LAMA1: variants seen among roughly 807,000 people sequenced by gnomAD.
LAMA1 encodes the protein laminin subunit alpha-1.
A neutral mutation model predicts 348.7 loss-of-function variants in LAMA1; 219 were observed. The ratio of observed to expected loss-of-function variants is 0.63; its 90% CI spans 0.56 to 0.70. LAMA1 has a LOEUF of 0.70. LAMA1 is among the 30% of genes least tolerant of loss of function. The pLI is 0.00. For missense variants in LAMA1, 3,744 were observed against 3,888.0 expected (o/e 0.96, Z 0.99); for synonymous variants, 1,487 against 1,491.0 (o/e 1.00, Z 0.06).
At chr18:7,055,839 T>C (rs1427162481) in intron 3 of LAMA1, among the ~76,000 whole-genome samples, 1 of 151,826 alleles carries the variant, frequency 6.6e-6, no homozygotes, top group Non-Finnish European at 1.5e-5. Context: ...CCCAGCATTT[T>C]GGGAGGCCGA....
intron 42 of LAMA1, among the ~76,000 whole-genome samples, chr18:6,980,023 CA>C (rs148238264): frequency 0.097 from 14,770 of 152,110 alleles, 1,191 homozygotes; most frequent in African/African-American, 0.23. Context: ...TAGACCCCCC[CA>C]AAAAATTTCA....
chr18:6,983,049 C>T (rs777802021), intron 40 of LAMA1, 50 bp downstream of exon 40: 3 of 1,613,666 alleles, frequency 1.9e-6, no homozygotes, highest in Non-Finnish European at 2.5e-6. Context: ...AAACCCGGTA[C>T]AGAAAAATCT....
intron 8 of LAMA1, 70 bp downstream of exon 8, chr18:7,043,157 G>A: frequency 6.7e-7 from 1 of 1,490,954 alleles, no homozygotes; most frequent in Non-Finnish European, 9.4e-7. Context: ...CAGAGGTTAA[G>A]ACTTGACAAA....
chr18:7,030,900 A>G (rs1369196295), intron 16 of LAMA1, among the ~76,000 whole-genome samples: 3 of 78,530 alleles, frequency 3.8e-5, no homozygotes, highest in African/African-American at 1.3e-4. Context: ...AAAGGAGGTG[A>G]AAAAAAAAGC....
chr18:7,011,406 A>T lies in LAMA1; in HGVS notation c.3581T>A (p.Val1194Asp), dbSNP rs1451199335. The T allele has an allele frequency of 1.9e-6, 3 of 1,609,700 alleles. No individual in the cohort carries two copies. The highest frequency in any genetic ancestry group is 2.5e-6 in the Non-Finnish European group (3 of 1,178,382). The change falls in exon 25 of 63, where the codon GTT (valine) becomes GAT (aspartate). Residue 1194 changes from valine to aspartate, a missense_variant. By Grantham distance (152) the Val-to-Asp change is radical (BLOSUM62 -3). This residue lies in a region of LAMA1 where 1,529 missense variants were observed against 1,689.4 expected (regional missense o/e 0.91). Coordinates refer to ENST00000389658, the MANE Select transcript of LAMA1 (RefSeq NM_005559.4). ...QSNLRGTTEGVYYQAPDFLLD... is the reference protein window; with the variant it reads ...QSNLRGTTEGDYYQAPDFLLD... ...CAGGAAGTCGGGGGCCTGGTAGTAA[A>T]CCCCCTCGGTCGTGCCCCTCAAGTT...
At chr18:7,057,456 C>A (rs796084999) in intron 3 of LAMA1, among the ~76,000 whole-genome samples, 161 of 132,244 alleles carry the variant, frequency 1.2e-3, no homozygotes, top group African/African-American at 4.3e-3. Context: ...TTCTTTCTTT[C>A]TTTTCTTTTC....
At chr18:6,947,018 T>C in intron 61 of LAMA1, 145 bp downstream of exon 61, 1 of 1,066,814 alleles carries the variant, frequency 9.4e-7, no homozygotes, top group Non-Finnish European at 1.4e-6. Context: ...GGTTTTCTTG[T>C]AGCAATATCT....
intron 1 of LAMA1, among the ~76,000 whole-genome samples, chr18:7,105,176 C>T (rs2058306905): frequency 6.6e-6 from 1 of 152,160 alleles, no homozygotes; most frequent in African/African-American, 2.4e-5. Context: ...CAGTGGCTCA[C>T]ACCTGTAAGC....
At chr18:7,106,198 C>A (rs1367321526) in intron 1 of LAMA1, among the ~76,000 whole-genome samples, 3 of 152,136 alleles carry the variant, frequency 2.0e-5, no homozygotes, top group African/African-American at 7.2e-5. Context: ...CTGCGGTGGG[C>A]AGGACGGGAT....
chr18:7,006,883 G>T (rs1306208907), intron 29 of LAMA1, among the ~76,000 whole-genome samples: 2 of 152,064 alleles, frequency 1.3e-5, no homozygotes, highest in East Asian at 3.9e-4. Context: ...GTCATTATTT[G>T]GTGCACGACT....
chr18:7,022,115 T>C (rs1467504132), intron 19 of LAMA1, among the ~76,000 whole-genome samples: 1 of 151,890 alleles, frequency 6.6e-6, no homozygotes, highest in African/African-American at 2.4e-5. Context: ...GATCCACAGG[T>C]ATGTTTTCCC....
intron 23 of LAMA1, among the ~76,000 whole-genome samples, chr18:7,012,672 AT>A (rs1471910126): frequency 8.7e-5 from 13 of 149,602 alleles, no homozygotes; most frequent in African/African-American, 3.2e-4. Flanking sequence ...TGCCCAGCTA[AT>A]TTTGTATTTT....
At chr18:7,011,586 T>A in intron 24 of LAMA1, 107 bp from the exon 25 acceptor site, 1 of 1,090,782 alleles carries the variant, frequency 9.2e-7, no homozygotes, top group Non-Finnish European at 1.4e-6. Flanking sequence ...GCTTCATTAT[T>A]AAAACAGAAA....
At chr18:7,053,710 T>A (rs899007880) in intron 3 of LAMA1, among the ~76,000 whole-genome samples, 3 of 152,072 alleles carry the variant, frequency 2.0e-5, no homozygotes, top group African/African-American at 7.2e-5. Flanking sequence ...CTGCAAGTAC[T>A]TCCAGTGACA....
At chr18:6,984,965 CATAAT>C (rs1019398041) in intron 39 of LAMA1, among the ~76,000 whole-genome samples, 1 of 152,164 alleles carries the variant, frequency 6.6e-6, no homozygotes, top group African/African-American at 2.4e-5. Context: ...GATACTGTAG[CATAAT>C]ATGTGTTTTA....
At chr18:7,014,839 A>ATTTTC (rs941710523) in intron 22 of LAMA1, among the ~76,000 whole-genome samples, 2 of 151,162 alleles carry the variant, frequency 1.3e-5, no homozygotes, top group African/African-American at 4.9e-5. Context: ...TATTTTTTGG[A>ATTTTC]TTTTCTTTTC....
chr18:7,034,343 T>C, intron 14 of LAMA1, 136 bp downstream of exon 14: 1 of 718,492 alleles, frequency 1.4e-6, no homozygotes, highest in Middle Eastern at 3.6e-4. Flanking sequence ...TAATAATTCT[T>C]AAGACAGCCA....
In LAMA1 at chr18:6,999,515, C is replaced by A. The variant is rs148691508; in HGVS notation, c.4593G>T (p.Arg1531Ser). Residue 1531 changes from arginine to serine, a missense_variant, in exon 32 of 63, where the codon AGG (arginine) becomes AGT (serine). Physicochemically the swap from Arg to Ser is moderately radical, Grantham distance 110. Coordinates refer to ENST00000389658, the MANE Select transcript of LAMA1 (RefSeq NM_005559.4). ...CGCACCGGAGCCCCGAGGCCCCCAGCCTGCAAACGCACTGCCCAGATGTGC... is the reference window on the plus strand; with the variant it reads ...CGCACCGGAGCCCCGAGGCCCCCAGACTGCAAACGCACTGCCCAGATGTGC... ...CDRTSGQCVC[R>S]LGASGLRCDE... 1.2e-6 allele frequency: 2 copies of A among 1,614,050 alleles called. No homozygotes were observed. Among genetic ancestry groups the A allele is most frequent in the Non-Finnish European group, 1.7e-6 (2 of 1,180,042 alleles).
At chr18:7,112,866 C>T (rs1171782219) in intron 1 of LAMA1, among the ~76,000 whole-genome samples, 1 of 152,118 alleles carries the variant, frequency 6.6e-6, no homozygotes, top group Non-Finnish European at 1.5e-5. Context: ...AACTCCCGAC[C>T]TCATGTGACC....
Sources: allele counts gnomAD v4.1 joint callset (sites outside exome capture counted in the v4.1 genomes callset), GRCh38; gene constraint gnomAD v4.1.1; regional missense constraint gnomAD v4.1.1; transcripts MANE v1.5; gene names NCBI Gene and HGNC (gene_info 2026-07-23, HGNC 2026-07-21).